RAD54L2: variants seen among roughly 807,000 people sequenced by gnomAD.
The protein encoded by RAD54L2 is helicase ARIP4.
In RAD54L2, 27 loss-of-function variants were observed where a neutral mutation model predicts 138.4. The observed-to-expected ratio is 0.20, with a 90% CI of 0.14 to 0.27. RAD54L2 has a LOEUF of 0.27. RAD54L2 is among the 10% of genes least tolerant of loss of function. The pLI is 1.00. For synonymous variants in RAD54L2, 644 were observed against 723.2 expected (o/e 0.89, Z 1.76); for missense variants, 1,396 against 1,890.2 (o/e 0.74, Z 4.85).
rs1699768175 is a variant in RAD54L2, at chr3:51,588,717, CTAA to C, written c.-54-1647_-54-1645del. Among the ~76,000 whole-genome samples the C allele has an allele frequency of 2.0e-5, 3 of 152,120 alleles. 1 individual carries two copies. The South Asian group carries it at 6.2e-4, about 32-fold the overall frequency. ...CCTCACGAAGGAATGGCCTTTACAGCTAATAGTAAAGTGATAAGAGAGACAGAC... is the reference window on the plus strand; with the variant it reads ...CCTCACGAAGGAATGGCCTTTACAGCTAGTAAAGTGATAAGAGAGACAGAC... On this transcript the variant is annotated intron_variant, in intron 2 of 22. Transcript: ENST00000684192.
intron 3 of RAD54L2, among the ~76,000 whole-genome samples, chr3:51,612,477 AAAAC>A (rs1015149498): frequency 9.9e-5 from 15 of 152,244 alleles, no homozygotes; most frequent in East Asian, 1.9e-4. Flanking sequence ...AAAACAAAAC[AAAAC>A]AAACAAACAA....
chr3:51,543,520 A>G (rs536513732), intron 2 of RAD54L2, among the ~76,000 whole-genome samples: 3 of 150,364 alleles, frequency 2.0e-5, no homozygotes, highest in Non-Finnish European at 3.0e-5. Flanking sequence ...AGGTAGGAGA[A>G]TTGCTTGAAC....
rs752633170 is a variant in RAD54L2 at position 51,639,887 on chromosome 3, G to T, written c.2119G>T (p.Asp707Tyr). The T allele has an allele frequency of 6.2e-7, 1 of 1,601,758 alleles. No homozygotes were observed. The highest frequency in any genetic ancestry group is 8.5e-7 in the Non-Finnish European group (1 of 1,170,814). The change falls in exon 14 of 23, where the codon GAC (aspartate) becomes TAC (tyrosine). Residue 707 changes from aspartate to tyrosine, a missense_variant. Asp to Tyr is a radical substitution (Grantham distance 160, BLOSUM62 -3). This residue lies in a region of RAD54L2 where 211 missense variants were observed against 273.8 expected (regional missense o/e 0.77). Transcript: ENST00000684192. ...CCTTGTTTCTCTCTTGCAGGCCAAG[G>T]ACCTTCTGACTAATTACCAGACTGG... is the stretch of plus-strand genomic sequence containing the variant. ...NNIVTYEWAK[D>Y]LLTNYQTGVL... is the part of the protein sequence containing the mutation.
intron 3 of RAD54L2, among the ~76,000 whole-genome samples, chr3:51,626,656 G>A (rs1272317563): frequency 6.6e-6 from 1 of 151,328 alleles, no homozygotes; most frequent in African/African-American, 2.4e-5. Context: ...TGTTTGCCAG[G>A]CTGGTCTCGA....
chr3:51,664,209 C>T lies in RAD54L2; in HGVS notation c.*789C>T, dbSNP rs1369497476. 6.6e-6 allele frequency: 1 copy of T among 152,146 alleles called. No homozygotes were observed. Among genetic ancestry groups the T allele is most frequent in the Non-Finnish European group, 1.5e-5 (1 of 68,036 alleles). 9.4% of individuals were successfully genotyped at this position (152,146 alleles called of 1,614,324 possible). A position where few individuals can be genotyped will look rare whatever the true frequency, so the allele number is the denominator to read the frequency against. On this transcript the variant is annotated 3_prime_UTR_variant, in exon 23 of 23. Coordinates refer to ENST00000684192, the MANE Select transcript of RAD54L2 (RefSeq NM_015106.4). Reference sequence around the variant, plus strand: ...CTCAAGTCCCTGGTATTCAGAGCCACATTTGTGTGAGAATTTGGGGAAATT... The same window carrying T: ...CTCAAGTCCCTGGTATTCAGAGCCATATTTGTGTGAGAATTTGGGGAAATT...
chr3:51,618,132 G>GT (rs1700490093), intron 3 of RAD54L2, among the ~76,000 whole-genome samples: 3 of 140,452 alleles, frequency 2.1e-5, no homozygotes, highest in African/African-American at 7.9e-5. Context: ...CTAATATTTT[G>GT]TATTTTTTTT....
intron 3 of RAD54L2, among the ~76,000 whole-genome samples, chr3:51,614,930 T>G (rs1700411368): frequency 6.6e-6 from 1 of 152,168 alleles, no homozygotes; most frequent in East Asian, 1.9e-4. Flanking sequence ...TTTTTTTTTT[T>G]TCTCAAACTG....
At chr3:51,607,169 G>A (rs1700204958) in intron 3 of RAD54L2, among the ~76,000 whole-genome samples, 1 of 149,396 alleles carries the variant, frequency 6.7e-6, no homozygotes, top group Non-Finnish European at 1.5e-5. Flanking sequence ...GGATTTGGCA[G>A]GGTCATAGGA....
intron 3 of RAD54L2, among the ~76,000 whole-genome samples, chr3:51,597,448 A>G (rs1413244068): frequency 6.6e-6 from 1 of 152,166 alleles, no homozygotes; most frequent in African/African-American, 2.4e-5. Context: ...GAGGTTCGGT[A>G]CTTTAACTGG....
chr3:51,609,276 G>C (rs1269899448), intron 3 of RAD54L2, among the ~76,000 whole-genome samples: 3 of 152,194 alleles, frequency 2.0e-5, no homozygotes, highest in Middle Eastern at 3.2e-3. Context: ...TTCAACTAAC[G>C]AGATAGGTCA....
At chr3:51,568,599 C>A (rs927118715) in intron 2 of RAD54L2, among the ~76,000 whole-genome samples, 1 of 152,060 alleles carries the variant, frequency 6.6e-6, no homozygotes, top group Non-Finnish European at 1.5e-5. Flanking sequence ...ACACAGTGAG[C>A]ACTGGTGAGG....
intron 16 of RAD54L2, among the ~76,000 whole-genome samples, chr3:51,644,790 A>G (rs1295955902): frequency 6.6e-6 from 1 of 152,156 alleles, no homozygotes; most frequent in African/African-American, 2.4e-5. Context: ...CTTGTTACAG[A>G]GGAGAGTGAG....
At chr3:51,580,257 A>G (rs1699576794) in intron 2 of RAD54L2, among the ~76,000 whole-genome samples, 1 of 152,208 alleles carries the variant, frequency 6.6e-6, no homozygotes, top group Non-Finnish European at 1.5e-5. Flanking sequence ...CCTGTTTCTC[A>G]TAAAGGATAC....
At chr3:51,577,195 C>G in intron 2 of RAD54L2, among the ~76,000 whole-genome samples, 1 of 152,198 alleles carries the variant, frequency 6.6e-6, no homozygotes, top group Non-Finnish European at 1.5e-5. Context: ...TTTGATTGCA[C>G]TGTGGTCTGA....
intron 2 of RAD54L2, among the ~76,000 whole-genome samples, chr3:51,571,579 G>A (rs1330547505): frequency 9.9e-5 from 15 of 151,694 alleles, no homozygotes; most frequent in Admixed American, 5.3e-4. Context: ...TGTTGACCGG[G>A]GCAGTCTCAA....
intron 3 of RAD54L2, among the ~76,000 whole-genome samples, chr3:51,607,914 C>T (rs1404463781): frequency 3.0e-5 from 4 of 134,988 alleles, no homozygotes; most frequent in Non-Finnish European, 4.5e-5. Flanking sequence ...GACGGGGCGG[C>T]TGGCCGGGCG....
rs1169939947 is a variant in RAD54L2 at position 51,666,174 on chromosome 3, C to CTTTTTTTTTTT, written c.*2779_*2789dup. 7 of 58,710 alleles carry CTTTTTTTTTTT rather than the reference C, an allele frequency of 1.2e-4. No individual in the cohort carries two copies. Among genetic ancestry groups the CTTTTTTTTTTT allele is most frequent in the African/African-American group, 1.7e-4 (2 of 11,842 alleles). The allele number at this position is 58,710 out of a possible 1,614,324, so 3.6% of individuals were successfully genotyped here. A position where few individuals can be genotyped will look rare whatever the true frequency, so the allele number is the denominator to read the frequency against. The stretch of plus-strand genomic sequence containing the variant: ...AGTGCTACCAGGTCCATGGTTTTTG[C>CTTTTTTTTTTT]TTTTTTTTTTTTTTTTTTTTTTTTT... On this transcript the variant is annotated 3_prime_UTR_variant, in exon 23 of 23. Coordinates refer to ENST00000684192, the MANE Select transcript of RAD54L2 (RefSeq NM_015106.4).
chr3:51,621,666 A>G (rs1700573342), intron 3 of RAD54L2, among the ~76,000 whole-genome samples: 1 of 152,102 alleles, frequency 6.6e-6, no homozygotes, highest in Non-Finnish European at 1.5e-5. Context: ...CTATCTGCCT[A>G]CTCTCTAATC....
At position 51,588,364 on chromosome 3, in the gene RAD54L2, G is replaced by A. The variant is rs144959338; in HGVS notation, c.-54-2003G>A. 5.9e-3 allele frequency among the ~76,000 whole-genome samples: 890 copies of A among 150,592 alleles called. 5 individuals carry two copies. The highest frequency in any genetic ancestry group is 0.02 in the African/African-American group (826 of 41,050). ...AGCCTGGCCAACATGGTAAAACCCC[G>A]TCTCTGCTAAAAATACAAAAATTAG... On this transcript the variant is annotated intron_variant, in intron 2 of 22. Transcript: ENST00000684192.
Sources: gnomAD v4.1 joint callset for allele counts (sites outside exome capture counted in the v4.1 genomes callset) on GRCh38, gnomAD v4.1.1 for gene constraint, gnomAD v4.1.1 regional missense constraint, MANE v1.5 for transcripts, NCBI Gene and HGNC (gene_info 2026-07-23, HGNC 2026-07-21) for gene names.